LDAF1: variants seen among roughly 807,000 people sequenced by gnomAD.
LDAF1 encodes the protein PROMETHIN.
A neutral mutation model predicts 13.5 loss-of-function variants in LDAF1; 7 were observed. The ratio of observed to expected loss-of-function variants is 0.52; its 90% CI spans 0.29 to 0.97. The LOEUF (loss-of-function observed/expected upper bound fraction) is 0.97. Ranked by LOEUF, LDAF1 falls within the 50% of genes least tolerant of loss-of-function variation. The pLI, the probability that LDAF1 is intolerant of heterozygous loss-of-function variation, is 0.07. For synonymous variants in LDAF1, 69 were observed against 77.1 expected, an observed-to-expected ratio of 0.89 and a Z score of 0.55; for missense variants, 148 against 193.2, an observed-to-expected ratio of 0.77 and a Z score of 1.39.
At chr16:21,159,326 T>G in intron 1 of LDAF1, 5 of 1,613,706 alleles carry the variant, frequency 3.1e-6, no homozygotes, top group South Asian at 1.1e-5. Flanking sequence ...CCTCTCCACC[T>G]GCATTTCACT....
chr16:21,170,335 C>A, intron 2 of LDAF1, 102 bp from the exon 3 acceptor site: 1 of 1,566,758 alleles, frequency 6.4e-7, no homozygotes. Context: ...AGCCTTCTGG[C>A]TTTACGACTT....
At chr16:21,172,170 G>T (rs1378406816) in intron 3 of LDAF1, among the ~76,000 whole-genome samples, 1 of 151,118 alleles carries the variant, frequency 6.6e-6, no homozygotes, top group African/African-American at 2.4e-5. Context: ...AAAAGAGGCC[G>T]GACACAGTGG....
At chr16:21,166,999 G>A (rs2093030541) in intron 2 of LDAF1, 4 of 1,282,884 alleles carry the variant, frequency 3.1e-6, no homozygotes, top group Admixed American at 2.0e-5. Flanking sequence ...GTAGCAGGAG[G>A]CAGTGAGGTC....
Position 21,170,442 on chromosome 16 carries a change from G to A in LDAF1, c.102G>A (p.Val34=). The A allele has an allele frequency of 6.2e-7, 1 of 1,614,124 alleles. No individual in the cohort carries two copies. Among genetic ancestry groups the A allele is most frequent in the Non-Finnish European group, 8.5e-7 (1 of 1,180,030 alleles). Residue 34 remains valine (V), a synonymous_variant, in exon 3 of 5, where the codon GTG becomes GTA. Coordinates refer to ENST00000233047, the MANE Select transcript of LDAF1 (RefSeq NM_001301771.2). ...IDSFQNNSKV[V]AFMKSPVGQY... ...TCTTTGTCCTTTGCCTACAGGTGGT[G>A]GCCTTTATGAAGTCTCCAGTGGGTC... is the stretch of plus-strand genomic sequence containing the variant.
intron 3 of LDAF1, chr16:21,172,741 G>A (rs2093101623): frequency 1.7e-6 from 1 of 601,296 alleles, no homozygotes; most frequent in Non-Finnish European, 2.1e-6. Context: ...GAGCTTCCTT[G>A]ATGCACCTGA....
In LDAF1 at chr16:21,174,167, A is replaced by G. The variant is rs1463436312; in HGVS notation, c.404+19A>G. On this transcript the variant is annotated intron_variant, in intron 4 of 4. Coordinates refer to ENST00000233047, the MANE Select transcript of LDAF1 (RefSeq NM_001301771.2). ...CTCCCAGGTAAATACATGTCCATGA[A>G]ATAATTTATTTTTTTAATCTTTCTA... 2 of 1,589,098 alleles carry G rather than the reference A, an allele frequency of 1.3e-6. No homozygotes were observed. The highest frequency in any genetic ancestry group is 2.3e-5 in the South Asian group (2 of 86,358).
At position 21,164,482 on chromosome 16, in the gene LDAF1, C is replaced by A. The variant is rs557387217; in HGVS notation, c.96+3204C>A. ...CCCAGGCTGGTCTCAAACTCTTGGC[C>A]TCAAGCAGTCCTCCTGCCTTGGCCT... On this transcript the variant is annotated intron_variant, in intron 2 of 4. Transcript: ENST00000233047. Among the ~76,000 whole-genome samples, 6 of 152,266 alleles carry A rather than the reference C, an allele frequency of 3.9e-5. No homozygotes were observed. In the East Asian group the frequency reaches 1.2e-3, roughly 29 times the overall value.
At chr16:21,176,900 GAAA>G (rs767903367) in intron 4 of LDAF1, among the ~76,000 whole-genome samples, 5 of 131,440 alleles carry the variant, frequency 3.8e-5, no homozygotes, top group Non-Finnish European at 6.6e-5. Context: ...ACTCTGTCTG[GAAA>G]AAAAAAAAAA....
intron 2 of LDAF1, among the ~76,000 whole-genome samples, chr16:21,163,880 A>G (rs2093000040): frequency 6.6e-6 from 1 of 151,732 alleles, no homozygotes; most frequent in Non-Finnish European, 1.5e-5. Flanking sequence ...TTGTATTTTT[A>G]GTAGAGACGG....
At chr16:21,170,257 C>T in intron 2 of LDAF1, 180 bp from the exon 3 acceptor site, 1 of 965,218 alleles carries the variant, frequency 1.0e-6, no homozygotes, top group Non-Finnish European at 1.2e-6. Flanking sequence ...CTCGCCTTGG[C>T]CTCCCAAAGT....
intron 4 of LDAF1, 33 bp from the exon 5 acceptor site, chr16:21,179,442 T>G: frequency 6.2e-7 from 1 of 1,613,904 alleles, no homozygotes; most frequent in Non-Finnish European, 8.5e-7. Flanking sequence ...ACTGAGGCCC[T>G]AGAGCTAACG....
chr16:21,168,920 A>G (rs191861583), intron 2 of LDAF1, among the ~76,000 whole-genome samples: 3,324 of 133,940 alleles, frequency 0.025, 159 homozygotes, highest in African/African-American at 0.087. Flanking sequence ...ATTTATTTAT[A>G]TTTATATATT....
intron 2 of LDAF1, 46 bp downstream of exon 2, chr16:21,161,324 C>T (rs745742137): frequency 6.3e-7 from 1 of 1,585,494 alleles, no homozygotes; most frequent in South Asian, 1.1e-5. Flanking sequence ...CAATATAACA[C>T]TAGCATAAAC....
intron 2 of LDAF1, among the ~76,000 whole-genome samples, chr16:21,168,968 TTATATTA>T (rs1194438281): frequency 1.2e-5 from 1 of 82,052 alleles, no homozygotes; most frequent in East Asian, 3.5e-4. Context: ...ATATAATATA[TTATATTA>T]TATATAATTA....
chr16:21,161,017 A>G (rs1259762665), intron 1 of LDAF1, 68 bp from the exon 2 acceptor site: 6 of 1,388,572 alleles, frequency 4.3e-6, no homozygotes, highest in Non-Finnish European at 5.6e-6. Context: ...AGGTATGAGG[A>G]TGGTAGAAGC....
chr16:21,177,354 C>A (rs2093148131), intron 4 of LDAF1: 1 of 149,374 alleles, frequency 6.7e-6, no homozygotes, highest in South Asian at 2.1e-4. Context: ...TAAAGGTTAG[C>A]TGAAATGTGA....
At chr16:21,176,783 C>T (rs2093142062) in intron 4 of LDAF1, among the ~76,000 whole-genome samples, 1 of 151,368 alleles carries the variant, frequency 6.6e-6, no homozygotes, top group Non-Finnish European at 1.5e-5. Context: ...GCTTGTGGTC[C>T]CAGCTACTCA....
intron 4 of LDAF1, chr16:21,179,208 G>A (rs1268997123): frequency 2.0e-5 from 6 of 294,522 alleles, no homozygotes; most frequent in Non-Finnish European, 3.0e-5. Flanking sequence ...TCACTGGGTT[G>A]TTGTGAGGAC....
chr16:21,171,148 C>T (rs1230131353), intron 3 of LDAF1, among the ~76,000 whole-genome samples: 1 of 152,186 alleles, frequency 6.6e-6, no homozygotes, highest in East Asian at 1.9e-4. Flanking sequence ...TGCCAGATGC[C>T]TCGCTAGGTA....
Sources: allele counts gnomAD v4.1 joint callset (sites outside exome capture counted in the v4.1 genomes callset), GRCh38; gene constraint gnomAD v4.1.1; transcripts MANE v1.5; gene names NCBI Gene and HGNC (gene_info 2026-07-23, HGNC 2026-07-21).